Variants in PHACTR4 observed in about 807,000 individuals in gnomAD.
PHACTR4 encodes phosphatase and actin regulator 4.
A neutral mutation model predicts 72.7 loss-of-function variants in PHACTR4; 51 were observed. The observed-to-expected ratio is 0.70, with a 90% CI of 0.56 to 0.89. PHACTR4 has a LOEUF of 0.89. PHACTR4 is among the 40% of genes least tolerant of loss of function. The pLI, the probability that PHACTR4 is intolerant of heterozygous loss-of-function variation, is 0.00. For missense variants in PHACTR4, 731 were observed against 861.8 expected, an observed-to-expected ratio of 0.85 and a Z score of 1.90; for synonymous variants, 255 against 302.5, an observed-to-expected ratio of 0.84 and a Z score of 1.63.
rs543449301 is a variant in PHACTR4, at chr1:28,391,035, C to T, written c.-38-16375C>T. On this transcript the variant is annotated intron_variant, in intron 1 of 13. Coordinates refer to ENST00000373839, the MANE Select transcript of PHACTR4 (RefSeq NM_001048183.3). ...TCACCTGAGCCCAGGGAGGTTGAGG[C>T]TGTAGTGAGCCGTGATTGTGCCACT... Among the ~76,000 whole-genome samples the T allele has an allele frequency of 2.7e-5, 4 of 149,886 alleles. No homozygotes were observed. In the South Asian group the frequency reaches 6.4e-4, roughly 24 times the overall value.
At chr1:28,450,978 T>TTTTTTTTTTTTTTTTTG in intron 2 of PHACTR4, among the ~76,000 whole-genome samples, 2 of 129,296 alleles carry the variant, frequency 1.5e-5, no homozygotes, top group Admixed American at 7.7e-5. Flanking sequence ...ACCCAGCTTT[T>TTTTTTTTTTTTTTTTTG]TTTTTTTTTT....
chr1:28,491,853 G>A, intron 12 of PHACTR4, 66 bp downstream of exon 12: 1 of 1,536,664 alleles, frequency 6.5e-7, no homozygotes, highest in Non-Finnish European at 8.8e-7. Context: ...GAGGATCCAA[G>A]ATACTAACTA....
chr1:28,401,506 CA>C (rs1653945289), intron 1 of PHACTR4, among the ~76,000 whole-genome samples: 1 of 151,728 alleles, frequency 6.6e-6, no homozygotes, highest in African/African-American at 2.4e-5. Context: ...GAGGTTTCAC[CA>C]TGTTGGCCAG....
rs1557858796 is a variant in PHACTR4 at position 28,499,083 on chromosome 1, A to AG, written c.*2535dup. The AG allele has an allele frequency of 2.1e-5, 3 of 146,070 alleles. No individual in the cohort carries two copies. Among genetic ancestry groups the AG allele is most frequent in the African/African-American group, 8.1e-5 (3 of 37,018 alleles). 9.0% of individuals were successfully genotyped at this position (146,070 alleles called of 1,614,324 possible). A position where few individuals can be genotyped will look rare whatever the true frequency, so the allele number is the denominator to read the frequency against. On this transcript the variant is annotated 3_prime_UTR_variant, in exon 14 of 14. Transcript: ENST00000373839. ...ACTCCATCAAAAAAAAAAAAAAAAAAGAAGGAAGGAAGGAAAGCAAGCCCT... is the reference window on the plus strand; with the variant it reads ...ACTCCATCAAAAAAAAAAAAAAAAAAGGAAGGAAGGAAGGAAAGCAAGCCCT...
chr1:28,463,915 A>G (rs935473609), intron 4 of PHACTR4, among the ~76,000 whole-genome samples: 2 of 151,982 alleles, frequency 1.3e-5, no homozygotes, highest in Non-Finnish European at 2.9e-5. Context: ...ACTTTTTTGT[A>G]GAGACAGGGT....
At chr1:28,467,074 G>GT (rs988246960) in intron 6 of PHACTR4, 11 of 220,798 alleles carry the variant, frequency 5.0e-5, no homozygotes, top group Non-Finnish European at 1.0e-4. Context: ...TTAGCCAGGC[G>GT]TGGTGGCACG....
chr1:28,394,270 AAG>A (rs1428905210), intron 1 of PHACTR4, among the ~76,000 whole-genome samples: 3 of 151,354 alleles, frequency 2.0e-5, no homozygotes, highest in Non-Finnish European at 4.4e-5. Context: ...AAAAAAAAGA[AAG>A]AGGGACGGAG....
rs541741236 is a variant in PHACTR4, at chr1:28,459,179, C to G, written c.111C>G (p.Phe37Leu). The change falls in exon 3 of 14, where the codon TTC becomes TTG. Residue 37 changes from phenylalanine to leucine, a missense_variant. Around this residue, in one of 2 missense-constraint regions of PHACTR4, gnomAD observed 621 missense variants for 676.6 expected, o/e 0.92. Coordinates refer to ENST00000373839, the MANE Select transcript of PHACTR4 (RefSeq NM_001048183.3). ...CTCCTACCAAAAGGAAGAGCAAGTT[C>G]TCAGGCTTTGGCAAGATCTTCAAGC... is the stretch of plus-strand genomic sequence containing the variant. Reference protein sequence around the residue: ...TTPPTKRKSKFSGFGKIFKPW... With the variant: ...TTPPTKRKSKLSGFGKIFKPW... The G allele has an allele frequency of 2.5e-6, 4 of 1,613,694 alleles. No individual in the cohort carries two copies. In the South Asian group the frequency reaches 4.4e-5, roughly 18 times the overall value.
chr1:28,457,674 C>T (rs114878459), intron 2 of PHACTR4, among the ~76,000 whole-genome samples: 3 of 151,626 alleles, frequency 2.0e-5, no homozygotes, highest in Non-Finnish European at 4.4e-5. Context: ...ACCTTTTTAC[C>T]CTCCTCCAAA....
At chr1:28,396,919 C>T (rs1235317198) in intron 1 of PHACTR4, among the ~76,000 whole-genome samples, 1 of 147,756 alleles carries the variant, frequency 6.8e-6, no homozygotes, top group African/African-American at 2.5e-5. Flanking sequence ...TCTCAAATTC[C>T]TGACATCGGG....
intron 2 of PHACTR4, among the ~76,000 whole-genome samples, chr1:28,429,960 ATTATCC>A (rs1656132728): frequency 6.6e-6 from 1 of 151,590 alleles, no homozygotes; most frequent in Non-Finnish European, 1.5e-5. Flanking sequence ...CCTCTCCTGT[ATTATCC>A]CTTGATGCTT....
intron 1 of PHACTR4, among the ~76,000 whole-genome samples, chr1:28,384,926 CAAAA>C (rs1359786664): frequency 6.6e-6 from 1 of 151,950 alleles, no homozygotes; most frequent in Non-Finnish European, 1.5e-5. Flanking sequence ...TAAAATAAAA[CAAAA>C]AACCCAAATC....
intron 1 of PHACTR4, among the ~76,000 whole-genome samples, chr1:28,388,105 C>T (rs554548400): frequency 5.9e-5 from 9 of 151,988 alleles, no homozygotes; most frequent in African/African-American, 1.9e-4. Context: ...GCAGGAAGAT[C>T]ACCTGAGCCA....
intron 6 of PHACTR4, among the ~76,000 whole-genome samples, chr1:28,473,254 C>T (rs533761343): frequency 1.1e-4 from 15 of 132,298 alleles, no homozygotes; most frequent in Non-Finnish European, 1.7e-4. Context: ...CCAGTCTGGG[C>T]GAGAGAGTGA....
At chr1:28,473,296 AAT>A (rs1659698340) in intron 6 of PHACTR4, among the ~76,000 whole-genome samples, 1 of 151,640 alleles carries the variant, frequency 6.6e-6, no homozygotes, top group South Asian at 2.1e-4. Context: ...AAAAAAAAAA[AAT>A]TGTCATATCT....
At chr1:28,379,675 C>A (rs922104211) in intron 1 of PHACTR4, among the ~76,000 whole-genome samples, 1 of 151,292 alleles carries the variant, frequency 6.6e-6, no homozygotes, top group Non-Finnish European at 1.5e-5. Context: ...GTGCCAGCTC[C>A]GCCTCCCGGG....
chr1:28,425,489 C>T (rs1655782250), intron 2 of PHACTR4, among the ~76,000 whole-genome samples: 1 of 152,188 alleles, frequency 6.6e-6, no homozygotes, highest in African/African-American at 2.4e-5. Flanking sequence ...CATCCTAGTT[C>T]TTCTACAGGA....
intron 2 of PHACTR4, among the ~76,000 whole-genome samples, chr1:28,448,780 A>G (rs546965832): frequency 7.4e-6 from 1 of 134,388 alleles, no homozygotes; most frequent in Non-Finnish European, 1.5e-5. Context: ...AAAAAAAAAA[A>G]AAAAACCTGA....
Position 28,465,724 on chromosome 1 carries a change from A to C in PHACTR4, c.311A>C (p.Lys104Thr), listed in dbSNP as rs748459208. 1.9e-6 allele frequency: 3 copies of C among 1,614,000 alleles called. No homozygotes were observed. The highest frequency in any genetic ancestry group is 3.3e-5 in the Admixed American group (2 of 59,958). The stretch of plus-strand genomic sequence containing the variant: ...GGAAAGCCAAGCGATGCCATGTTAA[A>C]GAATGGCCATACCACCCCCATAGGG... ...DPGKPSDAML[K>T]NGHTTPIGNA... The change falls in exon 5 of 14, where the codon AAG becomes ACG. Residue 104 changes from lysine (K) to threonine (T), a missense_variant. Lys to Thr is a moderately conservative substitution (Grantham distance 78, BLOSUM62 -1). Transcript: ENST00000373839.
Sources: allele counts gnomAD v4.1 joint callset (sites outside exome capture counted in the v4.1 genomes callset), GRCh38; gene constraint gnomAD v4.1.1; regional missense constraint gnomAD v4.1.1; transcripts MANE v1.5; gene names NCBI Gene and HGNC (gene_info 2026-07-23, HGNC 2026-07-21).